Variants in PRDM5 observed in about 807,000 individuals in gnomAD.
PRDM5 encodes the protein PR/SET domain 5.
PRDM5 carries 56 observed loss-of-function variants against 81.2 expected under a neutral mutation model. That is an observed-to-expected ratio of 0.69 (90% CI 0.56 to 0.86). The LOEUF (loss-of-function observed/expected upper bound fraction) is 0.86, where lower values mean the gene tolerates loss of function less well. Ranked by LOEUF, PRDM5 falls within the 40% of genes least tolerant of loss-of-function variation. The pLI is 0.00. For missense variants in PRDM5, 697 were observed against 770.1 expected, an observed-to-expected ratio of 0.91 and a Z score of 1.12; for synonymous variants, 267 against 256.4, an observed-to-expected ratio of 1.04 and a Z score of -0.39.
intron 11 of PRDM5, among the ~76,000 whole-genome samples, chr4:120,781,998 C>A (rs946786817): frequency 3.3e-5 from 5 of 152,008 alleles, no homozygotes; most frequent in Non-Finnish European, 7.4e-5. Flanking sequence ...ATTATCCAGC[C>A]TGGGGCTGAG....
chr4:120,846,878 C>T (rs1368794026), intron 3 of PRDM5, among the ~76,000 whole-genome samples: 1 of 152,084 alleles, frequency 6.6e-6, no homozygotes, highest in Non-Finnish European at 1.5e-5. Context: ...GCAGATGCTC[C>T]ATAGCTATGG....
intron 15 of PRDM5, among the ~76,000 whole-genome samples, chr4:120,705,171 G>A (rs540381699): frequency 6.6e-6 from 1 of 152,232 alleles, no homozygotes; most frequent in South Asian, 2.1e-4. Context: ...ATTTAAACAT[G>A]AACAAAAGCA....
chr4:120,883,389 T>C (rs1763060090), intron 2 of PRDM5, among the ~76,000 whole-genome samples: 1 of 152,174 alleles, frequency 6.6e-6, no homozygotes, highest in Non-Finnish European at 1.5e-5. Flanking sequence ...CTTATTTTTA[T>C]TTATGCAATA....
chr4:120,743,326 T>C (rs1385631021), intron 14 of PRDM5, among the ~76,000 whole-genome samples: 1 of 151,940 alleles, frequency 6.6e-6, no homozygotes, highest in Non-Finnish European at 1.5e-5. Flanking sequence ...TGCAAAATCA[T>C]GCCAAAATGT....
intron 3 of PRDM5, among the ~76,000 whole-genome samples, chr4:120,830,421 T>C (rs999675881): frequency 2.6e-5 from 4 of 152,052 alleles, no homozygotes; most frequent in Non-Finnish European, 5.9e-5. Flanking sequence ...TCAGATGCCA[T>C]GTGGAGCCAA....
chr4:120,918,150 A>C (rs1724431974), intron 1 of PRDM5, among the ~76,000 whole-genome samples: 1 of 152,360 alleles, frequency 6.6e-6, no homozygotes, highest in South Asian at 2.1e-4. Context: ...TTATCACAAA[A>C]AATATAGTTT....
chr4:120,826,123 G>T (rs1015769873), intron 3 of PRDM5, among the ~76,000 whole-genome samples: 10 of 152,026 alleles, frequency 6.6e-5, no homozygotes, highest in African/African-American at 1.7e-4. Context: ...TCCCAGAGAC[G>T]ACTCCAACAG....
intron 15 of PRDM5, 106 bp downstream of exon 15, chr4:120,710,203 T>G (rs1318115470): frequency 2.1e-6 from 2 of 955,400 alleles, no homozygotes; most frequent in Non-Finnish European, 3.3e-6. Flanking sequence ...ATTCCAGCAA[T>G]GCAACACACA....
chr4:120,805,121 G>C (rs1752719440), intron 8 of PRDM5, among the ~76,000 whole-genome samples: 1 of 152,054 alleles, frequency 6.6e-6, no homozygotes, highest in African/African-American at 2.4e-5. Context: ...TACATTCCTC[G>C]ACACATACAC....
intron 14 of PRDM5, among the ~76,000 whole-genome samples, chr4:120,744,387 A>T (rs1313279301): frequency 1.3e-5 from 2 of 152,180 alleles, no homozygotes; most frequent in African/African-American, 4.8e-5. Flanking sequence ...AAGCAAGAGC[A>T]AACACACTCA....
At chr4:120,829,528 C>A (rs1007588161) in intron 3 of PRDM5, among the ~76,000 whole-genome samples, 1 of 152,072 alleles carries the variant, frequency 6.6e-6, no homozygotes, top group Admixed American at 6.6e-5. Context: ...CAGTAAAAGT[C>A]TCTTGTTTCA....
At chr4:120,728,713 ATGGTAT>A (rs796737254) in intron 14 of PRDM5, among the ~76,000 whole-genome samples, 11 of 152,222 alleles carry the variant, frequency 7.2e-5, no homozygotes, top group African/African-American at 2.6e-4. Context: ...CGTTAGAAGC[ATGGTAT>A]TGGCCTTTTA....
At chr4:120,892,274 G>GA (rs1290149411) in intron 2 of PRDM5, among the ~76,000 whole-genome samples, 2 of 152,044 alleles carry the variant, frequency 1.3e-5, no homozygotes, top group Non-Finnish European at 2.9e-5. Context: ...CTGCAGACGA[G>GA]AAAAATGTAT....
At chr4:120,783,557 T>C (rs921724910) in intron 11 of PRDM5, among the ~76,000 whole-genome samples, 3 of 152,156 alleles carry the variant, frequency 2.0e-5, no homozygotes, top group Non-Finnish European at 4.4e-5. Context: ...TTTAGCCATA[T>C]TTCAATAGTA....
At chr4:120,908,249 T>G (rs1766063626) in intron 1 of PRDM5, among the ~76,000 whole-genome samples, 1 of 152,226 alleles carries the variant, frequency 6.6e-6, no homozygotes, top group South Asian at 2.1e-4. Flanking sequence ...AGTAACACTC[T>G]TTTCTCTCTA....
At chr4:120,800,435 T>G (rs1362474918) in intron 8 of PRDM5, among the ~76,000 whole-genome samples, 1 of 151,670 alleles carries the variant, frequency 6.6e-6, no homozygotes, top group Non-Finnish European at 1.5e-5. Flanking sequence ...GATGATTGTT[T>G]GAACCTGGGA....
intron 2 of PRDM5, among the ~76,000 whole-genome samples, chr4:120,903,877 TG>T (rs1440832078): frequency 6.6e-6 from 1 of 152,122 alleles, no homozygotes; most frequent in Admixed American, 6.6e-5. Flanking sequence ...CCCAGCCATA[TG>T]GAACTGTGAG....
intron 2 of PRDM5, among the ~76,000 whole-genome samples, chr4:120,865,907 AC>A (rs1761154137): frequency 6.6e-6 from 1 of 152,120 alleles, no homozygotes. Context: ...AGCTTCCTCA[AC>A]TTTTCTTGTT....
intron 15 of PRDM5, among the ~76,000 whole-genome samples, chr4:120,707,859 A>G (rs1736425774): frequency 6.6e-6 from 1 of 152,178 alleles, no homozygotes. Context: ...AAGGACTTGA[A>G]GAAACATTTC....
Sources: allele counts gnomAD v4.1 joint callset (sites outside exome capture counted in the v4.1 genomes callset), GRCh38; gene constraint gnomAD v4.1.1; transcripts MANE v1.5; gene names NCBI Gene and HGNC (gene_info 2026-07-23, HGNC 2026-07-21).